SLC25A48: variants seen among roughly 807,000 people sequenced by gnomAD.
SLC25A48 encodes solute carrier family 25 member 48.
Under a neutral mutation model 32.2 loss-of-function variants are expected in SLC25A48, and 29 were observed. That is an observed-to-expected ratio of 0.90 (90% confidence interval 0.67 to 1.23). The LOEUF (loss-of-function observed/expected upper bound fraction) is 1.23. SLC25A48 is among the 50% of genes most tolerant of loss of function. The probability of loss-of-function intolerance (pLI) is 0.00; values close to 1 mark genes in which losing one functional copy is unlikely to be tolerated. For synonymous variants in SLC25A48, 164 were observed against 172.3 expected, an observed-to-expected ratio of 0.95 and a Z score of 0.38; for missense variants, 399 against 422.7, an observed-to-expected ratio of 0.94 and a Z score of 0.49.
At chr5:135,806,440 A>T (rs190703778) in intron 3 of SLC25A48, among the ~76,000 whole-genome samples, 2 of 151,560 alleles carry the variant, frequency 1.3e-5, no homozygotes, top group East Asian at 3.9e-4. Context: ...TATTAATACC[A>T]TAATGTGTTC....
chr5:135,662,572 C>A (rs1753429465), intron 3 of SLC25A48, among the ~76,000 whole-genome samples: 1 of 152,112 alleles, frequency 6.6e-6, no homozygotes, highest in Non-Finnish European at 1.5e-5. Context: ...AATGGGGAGA[C>A]CCCTGGGCCT....
intron 3 of SLC25A48, among the ~76,000 whole-genome samples, chr5:135,711,950 G>A (rs1754677394): frequency 6.6e-6 from 1 of 150,894 alleles, no homozygotes; most frequent in South Asian, 2.1e-4. Context: ...TCCCACCCAG[G>A]CATCCTGCAG....
At chr5:135,709,530 A>G (rs1395350546) in intron 3 of SLC25A48, among the ~76,000 whole-genome samples, 6 of 152,246 alleles carry the variant, frequency 3.9e-5, no homozygotes, top group African/African-American at 1.2e-4. Flanking sequence ...AGGCCCTGGA[A>G]TCTGCATTTT....
intron 3 of SLC25A48, among the ~76,000 whole-genome samples, chr5:135,792,309 A>G (rs1456372840): frequency 1.3e-5 from 2 of 151,694 alleles, no homozygotes; most frequent in African/African-American, 2.4e-5. Flanking sequence ...GGGGGATATT[A>G]TCTCTAATAT....
intron 1 of SLC25A48, among the ~76,000 whole-genome samples, chr5:135,600,011 C>T (rs1447932542): frequency 2.0e-5 from 3 of 152,184 alleles, no homozygotes. Flanking sequence ...ACATACTCCC[C>T]CCTCCCTTGG....
Position 135,736,489 on chromosome 5 carries a change from G to A in SLC25A48, c.-520-76034G>A, listed in dbSNP as rs546284211. Among the ~76,000 whole-genome samples the A allele has an allele frequency of 3.9e-5, 6 of 152,170 alleles. No homozygotes were observed. The South Asian group carries it at 6.2e-4, about 16-fold the overall frequency. ...AGGAATGGAGGGTGGTAGGTTGCCC[G>A]TAGTGAAGGAGGCAAGCCCAGAGAA... On this transcript the variant is annotated intron_variant, in intron 3 of 10. Coordinates refer to the SLC25A48 transcript ENST00000646290.
At chr5:135,792,192 C>T (rs998637033) in intron 3 of SLC25A48, among the ~76,000 whole-genome samples, 1 of 151,644 alleles carries the variant, frequency 6.6e-6, no homozygotes, top group Non-Finnish European at 1.5e-5. Flanking sequence ...GTGTGTACAC[C>T]GCTGCGTTAT....
At chr5:135,596,949 G>C (rs570745075) in intron 1 of SLC25A48, among the ~76,000 whole-genome samples, 1 of 152,064 alleles carries the variant, frequency 6.6e-6, no homozygotes, top group Non-Finnish European at 1.5e-5. Flanking sequence ...TGTGACCTTG[G>C]GTGAGAGATG....
At chr5:135,795,817 C>T in intron 3 of SLC25A48, among the ~76,000 whole-genome samples, 1 of 145,634 alleles carries the variant, frequency 6.9e-6, no homozygotes, top group East Asian at 2.0e-4. Context: ...TCATAATATC[C>T]AGGGGGGAGA....
chr5:135,661,270 A>G (rs928730804), intron 3 of SLC25A48, among the ~76,000 whole-genome samples: 48 of 152,206 alleles, frequency 3.2e-4, no homozygotes, highest in Admixed American at 3.0e-3. Context: ...GCAGTTTCAG[A>G]CAGATGAGAG....
intron 3 of SLC25A48, among the ~76,000 whole-genome samples, chr5:135,681,575 G>A (rs1753898029): frequency 1.3e-5 from 2 of 152,114 alleles, no homozygotes; most frequent in Non-Finnish European, 2.9e-5. Flanking sequence ...CTCCTGATAT[G>A]TGTAGTATTA....
chr5:135,718,993 T>TGAA (rs1287325890), intron 3 of SLC25A48, among the ~76,000 whole-genome samples: 1 of 152,042 alleles, frequency 6.6e-6, no homozygotes, highest in East Asian at 1.9e-4. Flanking sequence ...TGGGGAGGTT[T>TGAA]GAAGATCGGT....
At chr5:135,801,496 C>G (rs566187795) in intron 3 of SLC25A48, among the ~76,000 whole-genome samples, 1 of 150,668 alleles carries the variant, frequency 6.6e-6, no homozygotes, top group Non-Finnish European at 1.5e-5. Context: ...GGTGTGTAAA[C>G]CCCCTGTGAT....
intron 3 of SLC25A48, among the ~76,000 whole-genome samples, chr5:135,663,653 G>T (rs1753456164): frequency 6.6e-6 from 1 of 152,180 alleles, no homozygotes; most frequent in Non-Finnish European, 1.5e-5. Context: ...ACTGGAACAG[G>T]TACACAAAAA....
At chr5:135,785,769 C>T (rs1756828212) in intron 3 of SLC25A48, among the ~76,000 whole-genome samples, 1 of 145,578 alleles carries the variant, frequency 6.9e-6, no homozygotes, top group Non-Finnish European at 1.5e-5. Flanking sequence ...ATCCCGCTTG[C>T]CCCATGGATC....
intron 3 of SLC25A48, among the ~76,000 whole-genome samples, chr5:135,784,795 A>G (rs2126625601): frequency 8.4e-6 from 1 of 118,360 alleles, no homozygotes; most frequent in East Asian, 2.1e-4. Context: ...TATTAACATC[A>G]TAAAAGTGAA....
At chr5:135,772,340 G>A (rs1756434380) in intron 3 of SLC25A48, among the ~76,000 whole-genome samples, 1 of 150,752 alleles carries the variant, frequency 6.6e-6, no homozygotes, top group South Asian at 2.1e-4. Context: ...CACCTAAAGA[G>A]ATGATCATAT....
chr5:135,849,135 C>T (rs1481130563), intron 2 of SLC25A48, among the ~76,000 whole-genome samples: 1 of 152,234 alleles, frequency 6.6e-6, no homozygotes, highest in Non-Finnish European at 1.5e-5. Context: ...AAAACATCGC[C>T]TGTGATCTTC....
intron 3 of SLC25A48, among the ~76,000 whole-genome samples, chr5:135,759,903 C>A (rs893011486): frequency 6.6e-6 from 1 of 150,944 alleles, no homozygotes; most frequent in Admixed American, 6.6e-5. Context: ...GATCTCAGCT[C>A]ACTGCAACCT....
Sources: allele counts gnomAD v4.1 joint callset (sites outside exome capture counted in the v4.1 genomes callset), GRCh38; gene constraint gnomAD v4.1.1; transcripts MANE v1.5; gene names NCBI Gene and HGNC (gene_info 2026-07-23, HGNC 2026-07-21).